ANKHD1: variants seen among roughly 807,000 people sequenced by gnomAD.
The protein encoded by ANKHD1 is ankyrin repeat and KH domain containing 1.
In ANKHD1, 31 loss-of-function variants were observed where a neutral mutation model predicts 230.5. The observed-to-expected ratio is 0.13, with a 90% CI of 0.10 to 0.18. ANKHD1 has a LOEUF of 0.18. Among genes scored for constraint, ANKHD1 ranks in the 10% least tolerant of loss-of-function variants. ANKHD1 has a pLI of 1.00. For synonymous variants in ANKHD1, 1,074 were observed against 1,117.6 expected (o/e 0.96, Z 0.78); for missense variants, 2,256 against 3,071.3 (o/e 0.73, Z 6.27).
At chr5:140,539,129 A>C (rs374623347) in intron 33 of ANKHD1, 46 bp downstream of exon 33, 5 of 1,559,492 alleles carry the variant, frequency 3.2e-6, no homozygotes, top group African/African-American at 1.4e-5. Flanking sequence ...TTGTCACATC[A>C]TTCTTTTTGT....
At chr5:140,493,182 C>T (rs1751883291) in intron 14 of ANKHD1, among the ~76,000 whole-genome samples, 1 of 152,168 alleles carries the variant, frequency 6.6e-6, no homozygotes, top group Non-Finnish European at 1.5e-5. Context: ...TTGCTTCAGC[C>T]TTCTGAGTAG....
rs1751196595 is a variant in ANKHD1 at position 140,479,971 on chromosome 5, T to C, written c.1783-2609T>C. ...GATTTTCCATATATACATATATAGA[T>C]ATATTATTATTTTTTTCTTTTTTCT... On this transcript the variant is annotated intron_variant, in intron 10 of 33. Transcript: ENST00000360839. 2.0e-5 allele frequency among the ~76,000 whole-genome samples: 3 copies of C among 149,494 alleles called. No individual in the cohort carries two copies. In the Admixed American group the frequency reaches 2.0e-4, roughly 10 times the overall value.
At chr5:140,406,040 G>A (rs973440441) in intron 1 of ANKHD1, among the ~76,000 whole-genome samples, 8 of 151,898 alleles carry the variant, frequency 5.3e-5, no homozygotes, top group Non-Finnish European at 1.0e-4. Flanking sequence ...AGGAGTTAGA[G>A]ACCAGCCTGG....
At chr5:140,483,452 CTTTTTTTTTT>C (rs369245406) in intron 11 of ANKHD1, among the ~76,000 whole-genome samples, 2 of 110,610 alleles carry the variant, frequency 1.8e-5, no homozygotes, top group South Asian at 5.8e-4. Flanking sequence ...AAGATTTTAT[CTTTTTTTTTT>C]TTTTTTTTTT....
chr5:140,465,254 A>G (rs1336133032), intron 10 of ANKHD1: 1 of 152,196 alleles, frequency 6.6e-6, no homozygotes, highest in Admixed American at 6.5e-5. Context: ...ATTTTGAATG[A>G]TTTCTGTTGT....
chr5:140,488,624 G>T (rs1036986887), intron 14 of ANKHD1, among the ~76,000 whole-genome samples: 5 of 151,506 alleles, frequency 3.3e-5, no homozygotes, highest in Non-Finnish European at 5.9e-5. Flanking sequence ...TATAGGCCAC[G>T]TGTGGTGGCT....
intron 6 of ANKHD1, among the ~76,000 whole-genome samples, chr5:140,446,213 A>C (rs992245486): frequency 7.9e-5 from 12 of 152,092 alleles, no homozygotes; most frequent in Non-Finnish European, 1.8e-4. Flanking sequence ...AGTTAACCCA[A>C]CTACTTAGCT....
intron 1 of ANKHD1, among the ~76,000 whole-genome samples, chr5:140,417,246 A>T (rs1452365286): frequency 6.6e-6 from 1 of 152,074 alleles, no homozygotes; most frequent in African/African-American, 2.4e-5. Context: ...TTATATGATT[A>T]GATATGAGCT....
chr5:140,453,299 A>G (rs1774897197), intron 7 of ANKHD1, among the ~76,000 whole-genome samples: 1 of 152,262 alleles, frequency 6.6e-6, no homozygotes, highest in Non-Finnish European at 1.5e-5. Context: ...GCAGGATGTT[A>G]TCCAGGAGAA....
In ANKHD1 at chr5:140,526,146, A is replaced by G; in HGVS notation, c.4643A>G (p.Asn1548Ser). Reference sequence around the variant, plus strand: ...AGCACCAATCGGAAAAATAAGAAGAACAAAACAAAAGAAACCCCTCCTACA... The same window carrying G: ...AGCACCAATCGGAAAAATAAGAAGAGCAAAACAAAAGAAACCCCTCCTACA... ...TPSTNRKNKK[N>S]KTKETPPTAH... Residue 1548 changes from asparagine to serine, a missense_variant, in exon 26 of 34, where the codon AAC (asparagine) becomes AGC (serine). Physicochemically the swap from Asn to Ser is conservative, Grantham distance 46. This residue lies in a region of ANKHD1 where 212 missense variants were observed against 257.3 expected (regional missense o/e 0.82). Coordinates refer to ENST00000360839, the MANE Select transcript of ANKHD1 (RefSeq NM_017747.3). The G allele has an allele frequency of 1.9e-6, 3 of 1,613,796 alleles. No homozygotes were observed. The highest frequency in any genetic ancestry group is 2.5e-6 in the Non-Finnish European group (3 of 1,179,960).
In ANKHD1 at chr5:140,533,555, C is replaced by T. The variant is rs145523884; in HGVS notation, c.6851-1807C>T. 7.1e-3 allele frequency among the ~76,000 whole-genome samples: 1,076 copies of T among 151,958 alleles called. 10 individuals are homozygous for T. The highest frequency in any genetic ancestry group is 0.025 in the African/African-American group (1,019 of 41,420). On this transcript the variant is annotated intron_variant, in intron 29 of 33. Transcript: ENST00000360839. ...CGGAGCTTGCAGTGAGCCGAGATCG[C>T]GCCACTGGACTCCAGCCTCGGCAAC...
At chr5:140,419,454 C>CTA (rs1771687267) in intron 1 of ANKHD1, among the ~76,000 whole-genome samples, 1 of 131,606 alleles carries the variant, frequency 7.6e-6, no homozygotes, top group African/African-American at 2.9e-5. Flanking sequence ...TTCTTTCTTT[C>CTA]TTTTTTTTTT....
intron 1 of ANKHD1, among the ~76,000 whole-genome samples, chr5:140,413,172 T>A (rs1297582206): frequency 6.6e-6 from 1 of 152,164 alleles, no homozygotes; most frequent in African/African-American, 2.4e-5. Context: ...CCAAGGTAAG[T>A]TTGATGTGTT....
intron 25 of ANKHD1, among the ~76,000 whole-genome samples, chr5:140,525,301 C>T (rs1753552715): frequency 6.6e-6 from 1 of 151,768 alleles, no homozygotes. Flanking sequence ...CTCCCTCTGC[C>T]ACCCAGGCTG....
intron 1 of ANKHD1, among the ~76,000 whole-genome samples, chr5:140,408,590 C>G (rs371750203): frequency 1.3e-5 from 2 of 152,152 alleles, no homozygotes; most frequent in African/African-American, 4.8e-5. Context: ...AAAAGTCATA[C>G]AGAAATCCCA....
chr5:140,496,074 T>C (rs1170066850), intron 14 of ANKHD1, among the ~76,000 whole-genome samples: 1 of 152,232 alleles, frequency 6.6e-6, no homozygotes, highest in Non-Finnish European at 1.5e-5. Flanking sequence ...AGAGTTGATA[T>C]TGCTAAAAGA....
chr5:140,480,406 T>G (rs1347905619), intron 10 of ANKHD1, among the ~76,000 whole-genome samples: 1 of 152,106 alleles, frequency 6.6e-6, no homozygotes, highest in South Asian at 2.1e-4. Context: ...TTAAAGTTTA[T>G]TCTAAATCAG....
chr5:140,457,612 C>G (rs1272799618), intron 7 of ANKHD1, among the ~76,000 whole-genome samples: 2 of 152,070 alleles, frequency 1.3e-5, no homozygotes, highest in East Asian at 3.9e-4. Flanking sequence ...GAACAAAAAA[C>G]CAGACAGCGC....
At chr5:140,525,834 TAAA>T (rs113364890) in intron 25 of ANKHD1, among the ~76,000 whole-genome samples, 159 bp from the exon 26 acceptor site, 3 of 126,740 alleles carry the variant, frequency 2.4e-5, no homozygotes, top group Admixed American at 8.1e-5. Context: ...AGACTCCATC[TAAA>T]AAAAAAAAAA....
Sources: allele counts gnomAD v4.1 joint callset (sites outside exome capture counted in the v4.1 genomes callset), GRCh38; gene constraint gnomAD v4.1.1; regional missense constraint gnomAD v4.1.1; transcripts MANE v1.5; gene names NCBI Gene and HGNC (gene_info 2026-07-23, HGNC 2026-07-21).